Variants in ABHD2 observed in about 807,000 individuals in gnomAD.
The protein encoded by ABHD2 is abhydrolase domain containing 2, acylglycerol lipase.
Under a neutral mutation model 48.1 loss-of-function variants are expected in ABHD2, and 20 were observed. That is an observed-to-expected ratio of 0.42 (90% CI 0.29 to 0.60). The LOEUF (loss-of-function observed/expected upper bound fraction) is 0.60. Among genes scored for constraint, ABHD2 ranks in the 20% least tolerant of loss-of-function variants. The probability of loss-of-function intolerance (pLI) is 0.24; values close to 1 mark genes in which losing one functional copy is unlikely to be tolerated. For synonymous variants in ABHD2, 209 were observed against 214.2 expected (o/e 0.98, Z 0.21); for missense variants, 405 against 550.9 (o/e 0.74, Z 2.65).
chr15:89,198,189 A>C lies in ABHD2; in HGVS notation c.*2766A>C, dbSNP rs948268142. 1 of 152,230 alleles carries C rather than the reference A, an allele frequency of 6.6e-6. No individual in the cohort carries two copies. The highest frequency in any genetic ancestry group is 2.4e-5 in the African/African-American group (1 of 41,456). 9.4% of individuals were successfully genotyped at this position (152,230 alleles called of 1,614,324 possible). ...CTAAAACAAGGCTGAATTTTTAAAG[A>C]GTATTTGAATATATTTTAGAATCAA... On this transcript the variant is annotated 3_prime_UTR_variant, in exon 11 of 11. Coordinates refer to ENST00000352732, the MANE Select transcript of ABHD2 (RefSeq NM_152924.5). This position sits in a 1 kb window ranked among gnomAD's most constrained non-coding sequence, Gnocchi z 5.1.
At chr15:89,054,852 T>TA in the ABHD2 span, among the ~76,000 whole-genome samples, 26,428 of 152,044 alleles carry the variant, frequency 0.17, 2,428 homozygotes, top group Admixed American at 0.19. Context: ...TAAACAGCTC[T>TA]AAAAAAACAT....
At chr15:89,172,024 C>CT (rs750948742) in intron 5 of ABHD2, among the ~76,000 whole-genome samples, 16,720 of 121,558 alleles carry the variant, frequency 0.14, 1,058 homozygotes, top group South Asian at 0.22. Flanking sequence ...ATTTTTCCTG[C>CT]TTTTTTTTTA....
rs1312653147 is a variant in ABHD2 at position 89,092,487 on chromosome 15, T to A, written c.-107+3924T>A. Among the ~76,000 whole-genome samples, 1 of 152,236 alleles carries A rather than the reference T, an allele frequency of 6.6e-6. No homozygotes were observed. Among genetic ancestry groups the A allele is most frequent in the African/African-American group, 2.4e-5 (1 of 41,454 alleles). On this transcript the variant is annotated intron_variant, in intron 1 of 10. Transcript: ENST00000352732. This position sits in a 1 kb window ranked among gnomAD's most constrained non-coding sequence, Gnocchi z 4.4. The stretch of plus-strand genomic sequence containing the variant: ...TAATAGAAATTTTAAAATTTTTTAA[T>A]TCAAATTTTAGTTTTTAAAAATAGG...
chr15:89,044,908 A>G, the ABHD2 span, among the ~76,000 whole-genome samples: 1 of 150,678 alleles, frequency 6.6e-6, no homozygotes, highest in Admixed American at 6.6e-5. Context: ...CTTTAGTTTA[A>G]TTAGATCCCA....
chr15:89,083,162 G>A (rs1901307983), upstream of ABHD2, among the ~76,000 whole-genome samples: 2 of 151,948 alleles, frequency 1.3e-5, no homozygotes, highest in Admixed American at 1.3e-4. This position sits in a 1 kb window ranked among gnomAD's most constrained non-coding sequence, Gnocchi z 5.1. Context: ...GCCTGTTTTT[G>A]TTTTTTTGTG....
the ABHD2 span, among the ~76,000 whole-genome samples, chr15:89,064,209 A>G: frequency 3.5e-5 from 5 of 140,848 alleles, no homozygotes; most frequent in African/African-American, 1.3e-4. Context: ...TTTATATATA[A>G]CATTGTGTCC....
rs1202760690 is a variant in ABHD2, at chr15:89,198,570, A to T, written c.*3147A>T. The T allele has an allele frequency of 2.6e-5, 4 of 152,216 alleles. No homozygotes were observed. The highest frequency in any genetic ancestry group is 1.5e-5 in the Non-Finnish European group (1 of 68,044). The allele number at this position is 152,216 out of a possible 1,614,324, so 9.4% of individuals were successfully genotyped here. A position where few individuals can be genotyped will look rare whatever the true frequency, so the allele number is the denominator to read the frequency against. On this transcript the variant is annotated 3_prime_UTR_variant, in exon 11 of 11. Coordinates refer to ENST00000352732, the MANE Select transcript of ABHD2 (RefSeq NM_152924.5). The surrounding 1 kb of genome is among the most constrained non-coding windows in gnomAD (Gnocchi z 5.1). ...GCATTTTACACTTACTGGGAACCTT[A>T]TGATTCACCGTAAGAGTGGAAATAT...
intron 6 of ABHD2, among the ~76,000 whole-genome samples, chr15:89,180,039 G>A (rs2051082249): frequency 6.6e-6 from 1 of 152,210 alleles, no homozygotes; most frequent in South Asian, 2.1e-4. Flanking sequence ...CCCAGAGACT[G>A]GGACTTTCCT....
At chr15:89,050,968 C>G in the ABHD2 span, among the ~76,000 whole-genome samples, 1 of 152,146 alleles carries the variant, frequency 6.6e-6, no homozygotes, top group Non-Finnish European at 1.5e-5. Context: ...CACAGTGGCT[C>G]ATACCTGCAA....
Position 89,201,429 on chromosome 15 carries a change from C to T in ABHD2, c.*6006C>T. 7.7e-7 allele frequency: 1 copy of T among 1,306,110 alleles called. No homozygotes were observed. Among genetic ancestry groups the T allele is most frequent in the Non-Finnish European group, 1.1e-6 (1 of 913,080 alleles). 80.9% of individuals were successfully genotyped at this position (1,306,110 alleles called of 1,614,324 possible). A position where few individuals can be genotyped will look rare whatever the true frequency, so the allele number is the denominator to read the frequency against. On this transcript the variant is annotated 3_prime_UTR_variant, in exon 11 of 11. Transcript: ENST00000352732. ...AATTTATCATTTTCATTGGGGATCT[C>T]CATTTGGAATCCATTAATTCATGAG...
Position 89,166,645 on chromosome 15 carries a change from C to G in ABHD2, c.539-9167C>G, listed in dbSNP as rs2050842225. The stretch of plus-strand genomic sequence containing the variant: ...CTCACACCTTTAATCACAGTGAGAC[C>G]TCATTTCTACAAAAAATAAAAATAA... On this transcript the variant is annotated intron_variant, in intron 5 of 10. Transcript: ENST00000352732. The surrounding 1 kb of genome is among the most constrained non-coding windows in gnomAD (Gnocchi z 4.6). Among the ~76,000 whole-genome samples the G allele has an allele frequency of 2.0e-5, 3 of 151,874 alleles. No individual in the cohort carries two copies. Among genetic ancestry groups the G allele is most frequent in the Admixed American group, 2.0e-4 (3 of 15,226 alleles).
Position 89,179,808 on chromosome 15 carries a change from G to A in ABHD2, c.722+3813G>A, listed in dbSNP as rs917788258. Among the ~76,000 whole-genome samples the A allele has an allele frequency of 1.1e-4, 16 of 152,200 alleles. No individual in the cohort carries two copies. Among genetic ancestry groups the A allele is most frequent in the South Asian group, 4.1e-4 (2 of 4,828 alleles). On this transcript the variant is annotated intron_variant, in intron 6 of 10. Transcript: ENST00000352732. This position sits in a 1 kb window ranked among gnomAD's most constrained non-coding sequence, Gnocchi z 4.3. ...TCTCCTTAAAGGCACATTATACTCCGGGCTAAGTGGATGTGTTAACATCAC... is the reference window on the plus strand; with the variant it reads ...TCTCCTTAAAGGCACATTATACTCCAGGCTAAGTGGATGTGTTAACATCAC...
chr15:89,041,556 T>C, the ABHD2 span, among the ~76,000 whole-genome samples: 1 of 152,244 alleles, frequency 6.6e-6, no homozygotes, highest in East Asian at 1.9e-4. Context: ...CAGACTGTCC[T>C]AGTGTGAATC....
intron 3 of ABHD2, among the ~76,000 whole-genome samples, chr15:89,144,557 A>G (rs1190649875): frequency 2.0e-5 from 3 of 152,254 alleles, no homozygotes; most frequent in African/African-American, 7.2e-5. Context: ...GATGACTCTC[A>G]AAACATTATG....
chr15:89,176,023 C>T lies in ABHD2; in HGVS notation c.722+28C>T. ...GAGTCATCTCCGCCTTCCATCAGGG[C>T]CTTCAGTTAGCCCTTATTTATAGAG... On this transcript the variant is annotated intron_variant, in intron 6 of 10. Coordinates refer to ENST00000352732, the MANE Select transcript of ABHD2 (RefSeq NM_152924.5). This position sits in a 1 kb window ranked among gnomAD's most constrained non-coding sequence, Gnocchi z 4.5. 1.9e-6 allele frequency: 3 copies of T among 1,567,622 alleles called. No homozygotes were observed. Among genetic ancestry groups the T allele is most frequent in the Non-Finnish European group, 2.6e-6 (3 of 1,156,000 alleles).
chr15:89,073,414 G>A, the ABHD2 span, among the ~76,000 whole-genome samples: 1 of 152,084 alleles, frequency 6.6e-6, no homozygotes, highest in African/African-American at 2.4e-5. Context: ...TCCTGCCTCA[G>A]CCTCCCAAGT....
Position 89,185,302 on chromosome 15 carries a change from G to A in ABHD2, c.723-122G>A, listed in dbSNP as rs1487034410. On this transcript the variant is annotated intron_variant, in intron 6 of 10. Transcript: ENST00000352732. This position sits in a 1 kb window ranked among gnomAD's most constrained non-coding sequence, Gnocchi z 5.9. ...ATTAGAGCCTCTGTTTTAATGCAGA[G>A]GCCACAGCCTGAGAGCCGGCCCTCT... The A allele has an allele frequency of 1.9e-5, 13 of 679,760 alleles. No homozygotes were observed. In the South Asian group the frequency reaches 2.2e-4, roughly 11 times the overall value. The allele number at this position is 679,760 out of a possible 1,614,324, so 42.1% of individuals were successfully genotyped here.
the ABHD2 span, among the ~76,000 whole-genome samples, chr15:89,079,896 G>A: frequency 1.3e-5 from 2 of 152,254 alleles, no homozygotes; most frequent in South Asian, 2.1e-4. The surrounding 1 kb of genome is among the most constrained non-coding windows in gnomAD (Gnocchi z 4.3). Context: ...CTGGGAGGGC[G>A]GCTGCCAGCA....
chr15:89,148,604 C>G (rs1056519419), intron 3 of ABHD2, among the ~76,000 whole-genome samples: 17 of 152,240 alleles, frequency 1.1e-4, no homozygotes, highest in Admixed American at 1.1e-3. Flanking sequence ...TGTATGCCCT[C>G]TCATCAGGCT....
Sources: allele counts gnomAD v4.1 joint callset (sites outside exome capture counted in the v4.1 genomes callset), GRCh38; gene constraint gnomAD v4.1.1; non-coding constraint Gnocchi (gnomAD v3.1); transcripts MANE v1.5; gene names NCBI Gene and HGNC (gene_info 2026-07-23, HGNC 2026-07-21).